CYFIP1: variants seen among roughly 807,000 people sequenced by gnomAD.
CYFIP1 encodes cytoplasmic FMR1 interacting protein 1.
CYFIP1 carries 58 observed loss-of-function variants against 163.5 expected under a neutral mutation model. That is an observed-to-expected ratio of 0.35 (90% CI 0.29 to 0.44). The LOEUF (loss-of-function observed/expected upper bound fraction) is 0.44, where lower values mean the gene tolerates loss of function less well. Among genes scored for constraint, CYFIP1 ranks in the 20% least tolerant of loss-of-function variants. CYFIP1 has a pLI of 1.00. For missense variants in CYFIP1, 1,338 were observed against 1,653.8 expected (o/e 0.81, Z 3.31); for synonymous variants, 663 against 660.7 (o/e 1.00, Z -0.05).
At chr15:22,976,478 A>G (rs576699792) in intron 1 of CYFIP1, among the ~76,000 whole-genome samples, 4 of 148,454 alleles carry the variant, frequency 2.7e-5, no homozygotes, top group African/African-American at 9.7e-5. Flanking sequence ...CTAATTGTAC[A>G]TTGCTAGTAC....
intron 9 of CYFIP1, among the ~76,000 whole-genome samples, chr15:22,934,868 C>CAA (rs57985770): frequency 5.3e-5 from 8 of 150,636 alleles, no homozygotes; most frequent in Non-Finnish European, 3.0e-5. Context: ...CAACAGCATC[C>CAA]AAAAAAAAAT....
chr15:22,874,744 ACAT>A, intron 27 of CYFIP1, 100 bp from the exon 28 acceptor site: 16 of 720,592 alleles, frequency 2.2e-5, no homozygotes, highest in Non-Finnish European at 3.3e-5. Context: ...TTTTAAGTTA[ACAT>A]TATGGATACA....
chr15:22,903,163 G>C (rs1304458852), intron 22 of CYFIP1, among the ~76,000 whole-genome samples: 1 of 152,140 alleles, frequency 6.6e-6, no homozygotes, highest in East Asian at 1.9e-4. Flanking sequence ...GGGTGACACA[G>C]ACATGTCCCT....
chr15:22,893,233 G>A (rs903887942), intron 22 of CYFIP1, among the ~76,000 whole-genome samples: 7 of 152,168 alleles, frequency 4.6e-5, no homozygotes, highest in African/African-American at 1.7e-4. Context: ...GAGCCGCCTC[G>A]AGCCCAACGC....
At chr15:22,871,676 C>T (rs557284032) in intron 30 of CYFIP1, among the ~76,000 whole-genome samples, 17 of 152,294 alleles carry the variant, frequency 1.1e-4, no homozygotes, top group South Asian at 1.0e-3. Context: ...AGGGAATGTT[C>T]TCTGGCCGGA....
At chr15:22,880,184 A>C (rs2059713829) in intron 25 of CYFIP1, 141 bp from the exon 26 acceptor site, 1 of 1,161,688 alleles carries the variant, frequency 8.6e-7, no homozygotes, top group Non-Finnish European at 1.3e-6. Flanking sequence ...TCCCATCCCC[A>C]GCATCTTCCC....
intron 1 of CYFIP1, among the ~76,000 whole-genome samples, chr15:22,965,880 A>G (rs1305137250): frequency 1.3e-5 from 2 of 152,170 alleles, no homozygotes; most frequent in Non-Finnish European, 1.5e-5. Flanking sequence ...GATAATGAAG[A>G]GCCCACGTTT....
At chr15:22,946,839 C>T (rs2289824) in intron 3 of CYFIP1, 164 bp downstream of exon 3, 664,070 of 739,846 alleles carry the variant, frequency 0.9, 298,430 homozygotes, top group African/African-American at 0.96. Context: ...ATTGTTTTTA[C>T]ACTAAGAAAA....
chr15:22,927,926 T>A lies in CYFIP1; in HGVS notation c.1213A>T (p.Ser405Cys). ...LQGLQLLSQW[S>C]AHVMEVYSWK... ...CCTACCACTTCCATCACGTGCGCGC[T>A]CCACTGCGACAACAGCTGCAGGCCC... Residue 405 changes from serine to cysteine, a missense_variant, in exon 12 of 31, where the codon AGC becomes TGC. Coordinates refer to ENST00000617928, the MANE Select transcript of CYFIP1 (RefSeq NM_014608.6). 6.2e-7 allele frequency: 1 copy of A among 1,606,298 alleles called. No homozygotes were observed. Among genetic ancestry groups the A allele is most frequent in the South Asian group, 1.1e-5 (1 of 90,140 alleles).
At chr15:22,873,082 C>T in intron 29 of CYFIP1, 110 bp from the exon 30 acceptor site, 1 of 1,216,328 alleles carries the variant, frequency 8.2e-7, no homozygotes, top group Non-Finnish European at 1.2e-6. Context: ...ACTGTCTGTG[C>T]CTACACAGTC....
At chr15:22,963,487 T>C (rs999173086) in intron 1 of CYFIP1, among the ~76,000 whole-genome samples, 1 of 131,486 alleles carries the variant, frequency 7.6e-6, no homozygotes, top group Admixed American at 7.4e-5. Context: ...CAAAACTCTG[T>C]TTCAAAAATA....
intron 1 of CYFIP1, among the ~76,000 whole-genome samples, chr15:22,967,997 G>C (rs370467775): frequency 2.6e-5 from 4 of 152,052 alleles, no homozygotes; most frequent in African/African-American, 9.7e-5. Flanking sequence ...TTAGCCAGGC[G>C]TGGTGGCACA....
At chr15:22,946,640 C>CA (rs878904764) in intron 3 of CYFIP1, 394 of 354,250 alleles carry the variant, frequency 1.1e-3, no homozygotes, top group South Asian at 2.4e-3. Context: ...GACTCTGTCT[C>CA]AAAAAAAAAG....
At chr15:22,880,109 C>T (rs897715915) in intron 25 of CYFIP1, 66 bp from the exon 26 acceptor site, 32 of 1,599,746 alleles carry the variant, frequency 2.0e-5, no homozygotes, top group Non-Finnish European at 2.6e-5. Flanking sequence ...AGCCTGGGTC[C>T]ACAGCCAGGA....
chr15:22,971,767 G>A (rs28885404), intron 1 of CYFIP1, among the ~76,000 whole-genome samples: 37 of 152,304 alleles, frequency 2.4e-4, no homozygotes, highest in African/African-American at 8.7e-4. Context: ...ACACTCAGGA[G>A]GCTGAAGTGG....
chr15:22,931,025 C>T (rs1004152880), intron 11 of CYFIP1, among the ~76,000 whole-genome samples: 1 of 152,080 alleles, frequency 6.6e-6, no homozygotes, highest in African/African-American at 2.4e-5. Flanking sequence ...GTGTTAGAAG[C>T]AGCAGGTGCC....
chr15:22,931,574 C>A (rs2061536034), intron 11 of CYFIP1, among the ~76,000 whole-genome samples: 1 of 150,716 alleles, frequency 6.6e-6, no homozygotes, highest in Admixed American at 6.7e-5. Flanking sequence ...TCCCTTCTCT[C>A]CAACCATCTT....
chr15:22,892,007 A>G (rs2060097980), intron 23 of CYFIP1, among the ~76,000 whole-genome samples: 1 of 152,152 alleles, frequency 6.6e-6, no homozygotes, highest in South Asian at 2.1e-4. Context: ...GGACACTTAA[A>G]TACTGATGAG....
chr15:22,952,330 G>C (rs2062279154), intron 1 of CYFIP1, among the ~76,000 whole-genome samples: 1 of 152,050 alleles, frequency 6.6e-6, no homozygotes, highest in Non-Finnish European at 1.5e-5. Flanking sequence ...AAGGTGAAAT[G>C]TACTTAACGC....
Sources: gnomAD v4.1 joint callset for allele counts (sites outside exome capture counted in the v4.1 genomes callset) on GRCh38, gnomAD v4.1.1 for gene constraint, MANE v1.5 for transcripts, NCBI Gene and HGNC (gene_info 2026-07-23, HGNC 2026-07-21) for gene names.